Variants in PLEKHG4B observed in about 807,000 individuals in gnomAD.
PLEKHG4B encodes the protein pleckstrin homology domain-containing family G member 4B.
In PLEKHG4B, 111 loss-of-function variants were observed where a neutral mutation model predicts 121.3. The ratio of observed to expected loss-of-function variants is 0.92; its 90% CI spans 0.78 to 1.07. The LOEUF is 1.07. Ranked by LOEUF, PLEKHG4B falls within the 50% of genes least tolerant of loss-of-function variation. The probability of loss-of-function intolerance (pLI) is 0.00; values close to 1 mark genes in which losing one functional copy is unlikely to be tolerated. For synonymous variants in PLEKHG4B, 738 were observed against 725.0 expected (o/e 1.02, Z -0.29); for missense variants, 1,831 against 1,757.8 (o/e 1.04, Z -0.74).
At chr5:94,174 C>T (rs1221269057) in intron 1 of PLEKHG4B, among the ~76,000 whole-genome samples, 2 of 152,224 alleles carry the variant, frequency 1.3e-5, no homozygotes, top group African/African-American at 4.8e-5. Flanking sequence ...TTCTCCTTCT[C>T]CCCTCAAGGG....
rs780247793 is a variant in PLEKHG4B, at chr5:171,092, C to T, written c.3779C>T (p.Ser1260Leu). The T allele has an allele frequency of 5.6e-6, 9 of 1,613,298 alleles. No individual in the cohort carries two copies. In the East Asian group the frequency reaches 6.7e-5, roughly 12 times the overall value. Residue 1260 changes from serine to leucine, a missense_variant, in exon 15 of 20, where the codon TCG (serine) becomes TTG (leucine). Coordinates refer to ENST00000637938, the MANE Select transcript of PLEKHG4B (RefSeq NM_052909.5). ...YVIYSKNKPQ[S>L]DALLSSHGNA... ...ATCTACAGCAAAAACAAGCCGCAGT[C>T]GGATGCCCTGCTCAGCAGCCATGGC...
In PLEKHG4B at chr5:164,804, TCA is replaced by T. The variant is rs374207114; in HGVS notation, c.3476+1262_3476+1263del. On this transcript the variant is annotated intron_variant, in intron 13 of 19. Coordinates refer to ENST00000637938, the MANE Select transcript of PLEKHG4B (RefSeq NM_052909.5). ...CACTAATGCTCTGACGGGGCGGAGC[TCA>T]CACACTAATGCTGTGACGGAGCGGA... is the stretch of plus-strand genomic sequence containing the variant. 9.8e-4 allele frequency among the ~76,000 whole-genome samples: 82 copies of T among 83,488 alleles called. 1 individual carries two copies. The highest frequency in any genetic ancestry group is 1.2e-3 in the Non-Finnish European group (48 of 39,576). 54.8% of individuals were successfully genotyped at this position (83,488 alleles called of 152,430 possible).
intron 1 of PLEKHG4B, among the ~76,000 whole-genome samples, chr5:93,057 C>T (rs1464818272): frequency 6.6e-6 from 1 of 152,102 alleles, no homozygotes; most frequent in East Asian, 1.9e-4. Context: ...GGTAATTACA[C>T]TCTACTCCTG....
At chr5:147,815 A>T (rs1433104048) in intron 6 of PLEKHG4B, among the ~76,000 whole-genome samples, 1 of 152,222 alleles carries the variant, frequency 6.6e-6, no homozygotes, top group African/African-American at 2.4e-5. Context: ...AATATCCCTT[A>T]TGAAGGTTGA....
At chr5:177,127 CTT>C (rs1285720617) in intron 18 of PLEKHG4B, among the ~76,000 whole-genome samples, 2 of 152,148 alleles carry the variant, frequency 1.3e-5, no homozygotes, top group South Asian at 2.1e-4. Context: ...AATTTCTACT[CTT>C]TGTTATTTTC....
chr5:139,586 C>T lies in PLEKHG4B; in HGVS notation c.347C>T (p.Pro116Leu), dbSNP rs963886308. Reference protein sequence around the residue: ...LASLHGVRLQPGDFYLQVTSA... With the variant: ...LASLHGVRLQLGDFYLQVTSA... ...TCCCTGCACGGAGTCAGGCTCCAGC[C>T]CGGGGACTTCTACCTGCAGGTCACG... Residue 116 changes from proline (P) to leucine (L), a missense_variant, in exon 3 of 20, where the codon CCC (proline) becomes CTC (leucine). Coordinates refer to ENST00000637938, the MANE Select transcript of PLEKHG4B (RefSeq NM_052909.5). The surrounding 1 kb of genome is among the most constrained non-coding windows in gnomAD (Gnocchi z 5.0). 2.4e-4 allele frequency: 95 copies of T among 398,834 alleles called. No homozygotes were observed. The highest frequency in any genetic ancestry group is 3.4e-4 in the Non-Finnish European group (76 of 226,132). The allele number at this position is 398,834 out of a possible 1,614,324, so 24.7% of individuals were successfully genotyped here.
Position 140,300 on chromosome 5 carries a change from A to C in PLEKHG4B, c.1061A>C (p.Glu354Ala). 6.7e-7 allele frequency: 1 copy of C among 1,487,050 alleles called. No homozygotes were observed. Among genetic ancestry groups the C allele is most frequent in the Non-Finnish European group, 8.9e-7 (1 of 1,120,300 alleles). 92.1% of individuals were successfully genotyped at this position (1,487,050 alleles called of 1,614,324 possible). A position where few individuals can be genotyped will look rare whatever the true frequency, so the allele number is the denominator to read the frequency against. Residue 354 changes from glutamate to alanine, a missense_variant, in exon 3 of 20, where the codon GAG (glutamate) becomes GCG (alanine). Glu to Ala is a moderately radical substitution (Grantham distance 107, BLOSUM62 -1). Transcript: ENST00000637938. ...TCVQPRRWFR[E>A]SYMEALRNPM... ...GTGCAGCCTAGACGCTGGTTCAGGG[A>C]GTCGTACATGGAAGCCTTGCGGAAC...
At chr5:110,207 A>G (rs1360969264) in intron 1 of PLEKHG4B, among the ~76,000 whole-genome samples, 6 of 147,066 alleles carry the variant, frequency 4.1e-5, no homozygotes, top group Non-Finnish European at 5.9e-5. Flanking sequence ...GCACACATCC[A>G]TACAATCTGC....
chr5:160,776 G>A (rs935996660), intron 11 of PLEKHG4B, among the ~76,000 whole-genome samples: 17 of 152,044 alleles, frequency 1.1e-4, no homozygotes, highest in African/African-American at 4.1e-4. Context: ...ACCAATGACA[G>A]CCGATTTTTC....
At chr5:146,093 C>A (rs1735401774) in intron 6 of PLEKHG4B, among the ~76,000 whole-genome samples, 1 of 144,900 alleles carries the variant, frequency 6.9e-6, no homozygotes, top group African/African-American at 2.6e-5. Flanking sequence ...CACTTGGAGT[C>A]CTCCCTCCTC....
Position 120,342 on chromosome 5 carries a change from T to A in PLEKHG4B, c.243+6894T>A, listed in dbSNP as rs181616818. Among the ~76,000 whole-genome samples the A allele has an allele frequency of 5.9e-5, 9 of 152,344 alleles. No individual in the cohort carries two copies. The East Asian group carries it at 1.7e-3, about 29-fold the overall frequency. On this transcript the variant is annotated intron_variant, in intron 2 of 19. Transcript: ENST00000637938. Reference sequence around the variant, plus strand: ...CTCAAAATCTCATCGTCTAACAGTCTTAAAATTTCAGTCCCACGGTTTCAA... The same window carrying A: ...CTCAAAATCTCATCGTCTAACAGTCATAAAATTTCAGTCCCACGGTTTCAA...
intron 1 of PLEKHG4B, among the ~76,000 whole-genome samples, chr5:111,604 G>C (rs560192366): frequency 6.6e-6 from 1 of 152,178 alleles, no homozygotes; most frequent in Non-Finnish European, 1.5e-5. Flanking sequence ...CGTCTCTTCC[G>C]GGGATGGCCC....
Position 182,304 on chromosome 5 carries a change from G to T in PLEKHG4B, c.4865G>T (p.Ser1622Ile). 1 of 1,607,500 alleles carries T rather than the reference G, an allele frequency of 6.2e-7. No individual in the cohort carries two copies. Among genetic ancestry groups the T allele is most frequent in the Non-Finnish European group, 8.5e-7 (1 of 1,178,002 alleles). Residue 1622 changes from serine to isoleucine, a missense_variant, in exon 20 of 20, where the codon AGC (serine) becomes ATC (isoleucine). Ser to Ile is a moderately radical substitution (Grantham distance 142). Coordinates refer to ENST00000637938, the MANE Select transcript of PLEKHG4B (RefSeq NM_052909.5). ...GAGGGGGCTCCTGCTGTGCTGCTGA[G>T]CCGCACACGCCAGGCCTGATGACTG... Reference protein sequence around the residue: ...VCEGAPAVLLSRTRQA With the variant: ...VCEGAPAVLLIRTRQA
At chr5:152,774 G>A (rs760654930) in intron 7 of PLEKHG4B, among the ~76,000 whole-genome samples, 32 of 152,096 alleles carry the variant, frequency 2.1e-4, no homozygotes, top group African/African-American at 1.7e-4. Flanking sequence ...TAATCCCCAC[G>A]TGTGGAGGGA....
chr5:139,568 A>G lies in PLEKHG4B; in HGVS notation c.329A>G (p.His110Arg). Residue 110 changes from histidine to arginine, a missense_variant, in exon 3 of 20, where the codon CAC becomes CGC. Transcript: ENST00000637938. This position sits in a 1 kb window ranked among gnomAD's most constrained non-coding sequence, Gnocchi z 5.0. ...GTGGTGGTGCAGCTGGCGTCCCTGCACGGAGTCAGGCTCCAGCCCGGGGAC... is the reference window on the plus strand; with the variant it reads ...GTGGTGGTGCAGCTGGCGTCCCTGCGCGGAGTCAGGCTCCAGCCCGGGGAC... The part of the protein sequence containing the change: ...EKVVVQLASL[H>R]GVRLQPGDFY... The G allele has an allele frequency of 2.5e-6, 1 of 398,992 alleles. No individual in the cohort carries two copies. The highest frequency in any genetic ancestry group is 4.4e-6 in the Non-Finnish European group (1 of 226,174). 24.7% of individuals were successfully genotyped at this position (398,992 alleles called of 1,614,324 possible). A position where few individuals can be genotyped will look rare whatever the true frequency, so the allele number is the denominator to read the frequency against.
chr5:172,129 G>A (rs967387471), intron 16 of PLEKHG4B, among the ~76,000 whole-genome samples: 1 of 151,864 alleles, frequency 6.6e-6, no homozygotes. Flanking sequence ...GAAAAGGCAG[G>A]CCCATCTCGG....
chr5:151,582 A>G lies in PLEKHG4B; in HGVS notation c.1975A>G (p.Lys659Glu). Reference protein sequence around the residue: ...VDKESAFRPDKDAIIQCEVVS... With the variant: ...VDKESAFRPDEDAIIQCEVVS... ...TAAAGAATCTGCATTTAGGCCTGAC[A>G]AGGATGCAATAATTCAGGTAATGGT... Residue 659 changes from lysine (K) to glutamate (E), a missense_variant, in exon 7 of 20, where the codon AAG becomes GAG. Coordinates refer to ENST00000637938, the MANE Select transcript of PLEKHG4B (RefSeq NM_052909.5). 6.3e-7 allele frequency: 1 copy of G among 1,586,580 alleles called. No individual in the cohort carries two copies. Among genetic ancestry groups the G allele is most frequent in the Non-Finnish European group, 8.6e-7 (1 of 1,156,274 alleles).
Position 137,514 on chromosome 5 carries a change from A to G in PLEKHG4B, c.244-1969A>G, listed in dbSNP as rs558167772. Among the ~76,000 whole-genome samples the G allele has an allele frequency of 1.8e-3, 271 of 152,250 alleles. No individual in the cohort carries two copies. The highest frequency in any genetic ancestry group is 2.1e-3 in the Non-Finnish European group (144 of 68,016). On this transcript the variant is annotated intron_variant, in intron 2 of 19. Transcript: ENST00000637938. The surrounding 1 kb of genome is among the most constrained non-coding windows in gnomAD (Gnocchi z 4.2). ...CCTTAACCCGGACCAGTTCCCTTCT[A>G]CAGTGAAGAAACCCTATGCATATTG...
At chr5:158,194 C>T (rs1735857478) in intron 11 of PLEKHG4B, among the ~76,000 whole-genome samples, 1 of 144,632 alleles carries the variant, frequency 6.9e-6, no homozygotes, top group Admixed American at 6.9e-5. Context: ...TCCATCTCCC[C>T]TCCTCCCCCT....
Sources: gnomAD v4.1 joint callset for allele counts (sites outside exome capture counted in the v4.1 genomes callset) on GRCh38, gnomAD v4.1.1 for gene constraint, Gnocchi (gnomAD v3.1) non-coding constraint, MANE v1.5 for transcripts, NCBI Gene and HGNC (gene_info 2026-07-23, HGNC 2026-07-21) for gene names.